Variants in HDAC9 observed in about 807,000 individuals in gnomAD.
HDAC9 encodes the protein histone deacetylase 9.
HDAC9 carries 41 observed loss-of-function variants against 139.4 expected under a neutral mutation model. That is an observed-to-expected ratio of 0.29 (90% CI 0.23 to 0.38). HDAC9 has a LOEUF of 0.38. HDAC9 is among the 10% of genes least tolerant of loss of function. The pLI is 1.00. For synonymous variants in HDAC9, 517 were observed against 476.2 expected, an observed-to-expected ratio of 1.09 and a Z score of -1.12; for missense variants, 1,147 against 1,297.0, an observed-to-expected ratio of 0.88 and a Z score of 1.78.
chr7:18,994,045 G>A (rs1307587521), intron 25 of HDAC9, among the ~76,000 whole-genome samples: 1 of 152,160 alleles, frequency 6.6e-6, no homozygotes, highest in Non-Finnish European at 1.5e-5. Context: ...GGGTTGCAGT[G>A]TAGACAGCCT....
chr7:18,124,813 C>G (rs969711651), intron 1 of HDAC9, among the ~76,000 whole-genome samples: 1 of 152,168 alleles, frequency 6.6e-6, no homozygotes, highest in Admixed American at 6.5e-5. Context: ...AACACACAAC[C>G]TCACTGCATT....
At chr7:18,680,059 C>G (rs1376731396) in intron 12 of HDAC9, among the ~76,000 whole-genome samples, 1 of 151,864 alleles carries the variant, frequency 6.6e-6, no homozygotes, top group African/African-American at 2.4e-5. Context: ...GAAATCAGTG[C>G]CAATATAAAC....
chr7:18,727,736 C>A lies in HDAC9; in HGVS notation c.1888C>A (p.Leu630Ile). The A allele has an allele frequency of 6.5e-7, 1 of 1,542,516 alleles. No homozygotes were observed. Among genetic ancestry groups the A allele is most frequent in the Non-Finnish European group, 8.7e-7 (1 of 1,152,964 alleles). Residue 630 changes from leucine (L) to isoleucine (I), a missense_variant, in exon 13 of 26, where the codon CTC becomes ATC. Coordinates refer to ENST00000686413, the MANE Select transcript of HDAC9 (RefSeq NM_178425.4). ...VLPHPAMDRP[L>I]QPGSATGIAY... ...ACCTCACCCAGCAATGGACCGCCCC[C>A]TCCAGCCTGGCTCTGCAACTGGTAG... is the stretch of plus-strand genomic sequence containing the variant.
At position 18,661,752 on chromosome 7, in the gene HDAC9, C is replaced by T. The variant is rs976089956; in HGVS notation, c.1468-4461C>T. On this transcript the variant is annotated intron_variant, in intron 11 of 25. Coordinates refer to ENST00000686413, the MANE Select transcript of HDAC9 (RefSeq NM_178425.4). ...AGGAATTCTGCTCTTGGAAAAAGATCACAACGTTATTTATTCTGGCTTTTT... is the reference window on the plus strand; with the variant it reads ...AGGAATTCTGCTCTTGGAAAAAGATTACAACGTTATTTATTCTGGCTTTTT... 1.9e-4 allele frequency among the ~76,000 whole-genome samples: 29 copies of T among 152,094 alleles called. 1 individual carries two copies. The highest frequency in any genetic ancestry group is 4.1e-4 in the Non-Finnish European group (28 of 68,004).
chr7:18,146,265 A>C (rs1194270055), intron 1 of HDAC9, among the ~76,000 whole-genome samples: 2 of 152,308 alleles, frequency 1.3e-5, no homozygotes, highest in East Asian at 3.9e-4. Flanking sequence ...TCTATTATCT[A>C]ATAGTCCATT....
intron 1 of HDAC9, among the ~76,000 whole-genome samples, chr7:18,408,208 G>T (rs1585685873): frequency 6.6e-6 from 1 of 152,086 alleles, no homozygotes. Context: ...CCAACCTAAA[G>T]GTTTTTCCTC....
intron 1 of HDAC9, among the ~76,000 whole-genome samples, chr7:18,456,903 C>T (rs1436829996): frequency 6.6e-6 from 1 of 152,144 alleles, no homozygotes; most frequent in Admixed American, 6.5e-5. Flanking sequence ...TTTATTGGCT[C>T]ACATAAACGA....
At chr7:18,663,275 A>G (rs1266267846) in intron 11 of HDAC9, among the ~76,000 whole-genome samples, 3 of 152,002 alleles carry the variant, frequency 2.0e-5, no homozygotes, top group Non-Finnish European at 4.4e-5. Flanking sequence ...AAACCATTGG[A>G]GGTTAGGAGG....
At chr7:18,565,146 G>A (rs1375879751) in intron 2 of HDAC9, among the ~76,000 whole-genome samples, 7 of 151,900 alleles carry the variant, frequency 4.6e-5, no homozygotes, top group African/African-American at 1.2e-4. Flanking sequence ...ACAGCCATGC[G>A]CCACCACACC....
Position 18,634,689 on chromosome 7 carries a change from G to A in HDAC9, c.859G>A (p.Gly287Arg). 3 of 1,599,462 alleles carry A rather than the reference G, an allele frequency of 1.9e-6. No individual in the cohort carries two copies. The highest frequency in any genetic ancestry group is 2.3e-5 in the South Asian group (2 of 88,360). Residue 287 changes from glycine (G) to arginine (R), a missense_variant, in exon 8 of 26, where the codon GGA (glycine) becomes AGA (arginine). Gly to Arg is a moderately radical substitution (Grantham distance 125, BLOSUM62 -2). Transcript: ENST00000686413. ...CAGTTCACCAAACAATGGGCCAACT[G>A]GAAGTGTTACTGAAAATGAGACTTC... Reference protein sequence around the residue: ...GPSSPNNGPTGSVTENETSVL... With the variant: ...GPSSPNNGPTRSVTENETSVL...
intron 5 of HDAC9, among the ~76,000 whole-genome samples, chr7:18,593,568 A>G (rs1188822938): frequency 1.3e-5 from 2 of 152,136 alleles, no homozygotes; most frequent in Non-Finnish European, 2.9e-5. Context: ...ACTAGAAAGG[A>G]TTGAGATGAT....
intron 22 of HDAC9, among the ~76,000 whole-genome samples, chr7:18,893,576 C>T (rs1289922885): frequency 6.6e-6 from 1 of 152,092 alleles, no homozygotes; most frequent in African/African-American, 2.4e-5. Context: ...ATTTCAACTG[C>T]CCAATAGCCA....
chr7:18,530,619 A>G (rs533663234), intron 2 of HDAC9, among the ~76,000 whole-genome samples: 84 of 152,138 alleles, frequency 5.5e-4, no homozygotes, highest in Non-Finnish European at 1.0e-3. Context: ...TTTTACATTC[A>G]TTAACTTTTT....
chr7:18,883,481 T>C (rs902508123), intron 22 of HDAC9, among the ~76,000 whole-genome samples: 2 of 152,132 alleles, frequency 1.3e-5, no homozygotes, highest in Admixed American at 1.3e-4. Context: ...ATTTGACAAA[T>C]TCAATGTCCT....
intron 2 of HDAC9, among the ~76,000 whole-genome samples, chr7:18,506,672 GA>G (rs1324281093): frequency 6.6e-6 from 1 of 151,640 alleles, no homozygotes; most frequent in Non-Finnish European, 1.5e-5. Context: ...ATAAGTATGG[GA>G]AAAAGGCAAG....
At chr7:18,916,022 G>GAAAAAAAAAAA (rs55866735) in intron 22 of HDAC9, among the ~76,000 whole-genome samples, 5 of 138,130 alleles carry the variant, frequency 3.6e-5, no homozygotes, top group African/African-American at 1.3e-4. Flanking sequence ...CCCCCCGCTG[G>GAAAAAAAAAAA]AAAAAAAAAA....
chr7:18,451,405 ATATG>A (rs1190213580), intron 1 of HDAC9, among the ~76,000 whole-genome samples: 2 of 95,498 alleles, frequency 2.1e-5, no homozygotes, highest in African/African-American at 7.2e-5. Flanking sequence ...GTGTGTGTAT[ATATG>A]TGTGTGTGTG....
intron 24 of HDAC9, among the ~76,000 whole-genome samples, chr7:18,968,345 G>A (rs1309355977): frequency 1.3e-5 from 2 of 152,062 alleles, no homozygotes; most frequent in Admixed American, 1.3e-4. Flanking sequence ...TATTCAATAA[G>A]TGGACCTCTG....
intron 1 of HDAC9, chr7:18,458,768 G>T: frequency 3.4e-6 from 3 of 885,136 alleles, no homozygotes; most frequent in Non-Finnish European, 5.4e-6. Context: ...AGCTGGAGGT[G>T]GTGGCTCTTG....
Sources: gnomAD v4.1 joint callset for allele counts (sites outside exome capture counted in the v4.1 genomes callset) on GRCh38, gnomAD v4.1.1 for gene constraint, MANE v1.5 for transcripts, NCBI Gene and HGNC (gene_info 2026-07-23, HGNC 2026-07-21) for gene names.